The following KCNK10 variants were observed in gnomAD, a reference collection of about 807,000 sequenced individuals.
The protein encoded by KCNK10 is potassium channel subfamily K member 10.
A neutral mutation model predicts 47.7 loss-of-function variants in KCNK10; 25 were observed. That is an observed-to-expected ratio of 0.52 (90% CI 0.38 to 0.73). The LOEUF (loss-of-function observed/expected upper bound fraction) is 0.73. Among genes scored for constraint, KCNK10 ranks in the 30% least tolerant of loss-of-function variants. The pLI is 0.00. For synonymous variants in KCNK10, 303 were observed against 285.6 expected (o/e 1.06, Z -0.61); for missense variants, 563 against 714.5 (o/e 0.79, Z 2.42).
chr14:88,293,826 C>A (rs562478086), intron 1 of KCNK10, among the ~76,000 whole-genome samples: 1 of 152,052 alleles, frequency 6.6e-6, no homozygotes, highest in South Asian at 2.1e-4. Flanking sequence ...TAGGCATGCA[C>A]CACCACACTT....
intron 3 of KCNK10, among the ~76,000 whole-genome samples, chr14:88,240,120 A>G (rs1470333809): frequency 1.3e-5 from 2 of 152,138 alleles, no homozygotes; most frequent in Non-Finnish European, 2.9e-5. Context: ...GAGGACAGGA[A>G]AAGAGCCCTT....
intron 1 of KCNK10, among the ~76,000 whole-genome samples, chr14:88,268,044 C>T (rs112489571): frequency 5.2e-3 from 798 of 152,100 alleles, no homozygotes; most frequent in Non-Finnish European, 9.2e-3. Context: ...TTAGGGGGAA[C>T]GCATGTGTGA....
chr14:88,317,186 G>A (rs1888445150), intron 1 of KCNK10, among the ~76,000 whole-genome samples: 1 of 152,116 alleles, frequency 6.6e-6, no homozygotes, highest in South Asian at 2.1e-4. Flanking sequence ...AATCCCATTT[G>A]GAACACTGAT....
chr14:88,275,852 G>A (rs1007638177), intron 1 of KCNK10, among the ~76,000 whole-genome samples: 3 of 116,432 alleles, frequency 2.6e-5, no homozygotes, highest in African/African-American at 7.8e-5. Context: ...GGGCGACAGA[G>A]GGAGACTCCA....
At chr14:88,241,800 C>G (rs1886480080) in intron 2 of KCNK10, among the ~76,000 whole-genome samples, 1 of 152,176 alleles carries the variant, frequency 6.6e-6, no homozygotes, top group Admixed American at 6.6e-5. Context: ...CCCCCTTCCC[C>G]GAGTTCATAC....
chr14:88,319,541 CA>C (rs1888500659), intron 1 of KCNK10, among the ~76,000 whole-genome samples: 1 of 152,204 alleles, frequency 6.6e-6, no homozygotes, highest in African/African-American at 2.4e-5. Context: ...ACTTGCCCAT[CA>C]GACATGGAAA....
chr14:88,253,995 A>AGG (rs1886873010), intron 2 of KCNK10, among the ~76,000 whole-genome samples: 1 of 152,120 alleles, frequency 6.6e-6, no homozygotes, highest in African/African-American at 2.4e-5. Context: ...AGTCAGGGTG[A>AGG]GGGGGAGAGA....
chr14:88,325,572 T>A (rs915300948), upstream of KCNK10, among the ~76,000 whole-genome samples: 2 of 152,184 alleles, frequency 1.3e-5, no homozygotes, highest in African/African-American at 4.8e-5. Context: ...ATGCTCTCCA[T>A]GCCAGAACCT....
rs138231820 is a variant in KCNK10 at position 88,228,755 on chromosome 14, C to A, written c.521-1220G>T. On this transcript the variant is annotated intron_variant, in intron 3 of 6. Coordinates refer to ENST00000319231, the MANE Select transcript of KCNK10 (RefSeq NM_138317.3). ...TCACCTGGATACTTTCTTTTGCAAT[C>A]TTCTGTTCTGAATCATTCAAACCTC... 6.4e-3 allele frequency among the ~76,000 whole-genome samples: 981 copies of A among 152,324 alleles called. 34 individuals are homozygous for A. The highest frequency in any genetic ancestry group is 0.045 in the Admixed American group (684 of 15,292).
intron 1 of KCNK10, among the ~76,000 whole-genome samples, chr14:88,317,215 T>G (rs1216000216): frequency 1.3e-5 from 2 of 152,228 alleles, no homozygotes; most frequent in Non-Finnish European, 2.9e-5. Flanking sequence ...AATTGGATAT[T>G]AAATCAAAAA....
chr14:88,196,670 C>A lies in KCNK10; in HGVS notation c.682-4260G>T, dbSNP rs1022546553. Among the ~76,000 whole-genome samples, 4 of 152,214 alleles carry A rather than the reference C, an allele frequency of 2.6e-5. No homozygotes were observed. The East Asian group carries it at 7.7e-4, about 29-fold the overall frequency. On this transcript the variant is annotated intron_variant, in intron 4 of 6. Transcript: ENST00000319231. ...ATTTTACTCAAGAATAAAGACACTG[C>A]GGTAAAAATCCTAAGACAGAAGCTA...
chr14:88,310,120 T>C (rs951360813), intron 1 of KCNK10, among the ~76,000 whole-genome samples: 4 of 150,926 alleles, frequency 2.7e-5, no homozygotes, highest in African/African-American at 9.7e-5. Context: ...GTTAACAAGA[T>C]GTGTTCTGGA....
rs114134588 is a variant in KCNK10, at chr14:88,264,467, T to C, written c.53-916A>G. 3.1e-3 allele frequency among the ~76,000 whole-genome samples: 476 copies of C among 152,326 alleles called. 2 individuals carry two copies. The highest frequency in any genetic ancestry group is 0.011 in the African/African-American group (458 of 41,580). On this transcript the variant is annotated intron_variant, in intron 1 of 6. Transcript: ENST00000319231. ...GGCTGTTGTGTGAAGAAGGTATTAG[T>C]AGATGATAAACCTAATTACCTAAGT...
intron 1 of KCNK10, among the ~76,000 whole-genome samples, chr14:88,310,176 TATATGATATACCATATCATATGG>T (rs1888287842): frequency 8.0e-6 from 1 of 124,838 alleles, no homozygotes; most frequent in Non-Finnish European, 1.9e-5. Flanking sequence ...TATCATATGG[TATATGATATACCATATCATATGG>T]TATATGATAT....
intron 1 of KCNK10, among the ~76,000 whole-genome samples, chr14:88,302,442 G>C (rs1452326978): frequency 6.6e-6 from 1 of 152,200 alleles, no homozygotes; most frequent in Non-Finnish European, 1.5e-5. Context: ...AGGCGCGGTG[G>C]CTTATGCCTG....
chr14:88,215,626 C>T (rs1263247384), intron 4 of KCNK10, among the ~76,000 whole-genome samples: 4 of 152,034 alleles, frequency 2.6e-5, no homozygotes, highest in South Asian at 2.1e-4. Flanking sequence ...GACAAATGAC[C>T]GATCCAAGGC....
intron 1 of KCNK10, among the ~76,000 whole-genome samples, chr14:88,308,801 T>C (rs1220395367): frequency 6.6e-6 from 1 of 152,248 alleles, no homozygotes; most frequent in Non-Finnish European, 1.5e-5. Flanking sequence ...GAGGCCTTCT[T>C]TGAAATCACT....
At chr14:88,276,689 A>G (rs1887533995) in intron 1 of KCNK10, among the ~76,000 whole-genome samples, 1 of 152,178 alleles carries the variant, frequency 6.6e-6, no homozygotes, top group South Asian at 2.1e-4. Flanking sequence ...ATCCCTGTAT[A>G]ATATTCCTTC....
At position 88,247,099 on chromosome 14, in the gene KCNK10, G is replaced by A. The variant is rs533508436; in HGVS notation, c.403-6279C>T. Among the ~76,000 whole-genome samples the A allele has an allele frequency of 1.2e-4, 19 of 152,240 alleles. No homozygotes were observed. In the South Asian group the frequency reaches 3.9e-3, roughly 32 times the overall value. On this transcript the variant is annotated intron_variant, in intron 2 of 6. Coordinates refer to ENST00000319231, the MANE Select transcript of KCNK10 (RefSeq NM_138317.3). ...GCAAAGCTAGCAAACAATGCTCTTA[G>A]AATTGTCAACAGGAAGTTCACCATC...
Sources: gnomAD v4.1 joint callset for allele counts (sites outside exome capture counted in the v4.1 genomes callset) on GRCh38, gnomAD v4.1.1 for gene constraint, MANE v1.5 for transcripts, NCBI Gene and HGNC (gene_info 2026-07-23, HGNC 2026-07-21) for gene names.